Variants in SLCO1A2 observed in about 807,000 individuals in gnomAD.
The protein encoded by SLCO1A2 is OATP-1.
In SLCO1A2, 67 loss-of-function variants were observed where a neutral mutation model predicts 69.0. The observed-to-expected ratio is 0.97, with a 90% CI of 0.80 to 1.19. The LOEUF (loss-of-function observed/expected upper bound fraction) is 1.19. Among genes scored for constraint, SLCO1A2 ranks in the 50% most tolerant of loss-of-function variants. The pLI is 0.00. For missense variants in SLCO1A2, 787 were observed against 793.7 expected (o/e 0.99, Z 0.10); for synonymous variants, 260 against 265.9 (o/e 0.98, Z 0.22).
chr12:21,327,386 G>A (rs572271624), intron 2 of SLCO1A2, among the ~76,000 whole-genome samples: 1 of 152,288 alleles, frequency 6.6e-6, no homozygotes, highest in South Asian at 2.1e-4. Flanking sequence ...TGGTGGAGCT[G>A]TGAGAAGAGG....
chr12:21,317,261 C>T (rs752451219), intron 3 of SLCO1A2, among the ~76,000 whole-genome samples: 1 of 152,186 alleles, frequency 6.6e-6, no homozygotes, highest in Non-Finnish European at 1.5e-5. Flanking sequence ...CCATTTCTCA[C>T]CCCTGCCCAT....
At position 21,269,095 on chromosome 12, in the gene SLCO1A2, A is replaced by G. The variant is rs1208476166; in HGVS notation, c.*453T>C. On this transcript the variant is annotated 3_prime_UTR_variant, in exon 15 of 15. Coordinates refer to ENST00000683939, the MANE Select transcript of SLCO1A2 (RefSeq NM_001386879.1). Reference sequence around the variant, plus strand: ...GAATAAGAAGATGTAGGCTTCTCTCACATGGAAGCGATAAACTTGAATAAA... The same window carrying G: ...GAATAAGAAGATGTAGGCTTCTCTCGCATGGAAGCGATAAACTTGAATAAA... 6.5e-6 allele frequency: 1 copy of G among 153,336 alleles called. No homozygotes were observed. The highest frequency in any genetic ancestry group is 2.4e-5 in the African/African-American group (1 of 41,458). 9.5% of individuals were successfully genotyped at this position (153,336 alleles called of 1,614,324 possible). A position where few individuals can be genotyped will look rare whatever the true frequency, so the allele number is the denominator to read the frequency against.
intron 1 of SLCO1A2, among the ~76,000 whole-genome samples, chr12:21,387,018 G>C (rs889099427): frequency 1.3e-5 from 2 of 152,112 alleles, no homozygotes; most frequent in Non-Finnish European, 2.9e-5. Context: ...GAACTTCTTG[G>C]GAACTAGAGC....
At chr12:21,412,590 G>GA (rs1941924924) in intron 1 of SLCO1A2, among the ~76,000 whole-genome samples, 1 of 152,066 alleles carries the variant, frequency 6.6e-6, no homozygotes, top group Admixed American at 6.6e-5. Flanking sequence ...CCAAATATTT[G>GA]CCTTTCTTCA....
intron 1 of SLCO1A2, among the ~76,000 whole-genome samples, chr12:21,376,662 T>TAAA (rs141702135): frequency 6.7e-5 from 10 of 148,190 alleles, no homozygotes; most frequent in African/African-American, 2.5e-4. Flanking sequence ...GAGTAAAATT[T>TAAA]AAAAAAAAAA....
chr12:21,360,348 C>A (rs1224819695), intron 2 of SLCO1A2, among the ~76,000 whole-genome samples: 1 of 151,810 alleles, frequency 6.6e-6, no homozygotes, highest in African/African-American at 2.4e-5. Flanking sequence ...AAAACGACAC[C>A]AATATAAAAA....
intron 1 of SLCO1A2, among the ~76,000 whole-genome samples, chr12:21,413,206 T>C (rs1003332811): frequency 6.6e-5 from 10 of 151,364 alleles, no homozygotes; most frequent in African/African-American, 2.4e-4. Context: ...GTTAACTGAT[T>C]GTAATACTTT....
intron 2 of SLCO1A2, among the ~76,000 whole-genome samples, chr12:21,346,168 C>A (rs933912316): frequency 3.9e-5 from 6 of 152,050 alleles, no homozygotes; most frequent in Non-Finnish European, 8.8e-5. Context: ...AAACCATACT[C>A]ATTTAATATA....
intron 1 of SLCO1A2, among the ~76,000 whole-genome samples, chr12:21,414,231 G>A (rs1231682245): frequency 6.6e-6 from 1 of 151,254 alleles, no homozygotes; most frequent in Non-Finnish European, 1.5e-5. Context: ...GCTCTGTTCT[G>A]GGAACAAAAG....
upstream of SLCO1A2, among the ~76,000 whole-genome samples, chr12:21,398,666 G>C (rs368110015): frequency 2.5e-4 from 37 of 150,992 alleles, no homozygotes; most frequent in East Asian, 5.9e-4. Context: ...ACATCAAAAA[G>C]CTTATCCACC....
chr12:21,351,502 G>A (rs774312005), intron 2 of SLCO1A2, among the ~76,000 whole-genome samples: 10 of 152,066 alleles, frequency 6.6e-5, no homozygotes, highest in Non-Finnish European at 1.0e-4. Flanking sequence ...TAGGACAGGC[G>A]CAGTGGCTTG....
chr12:21,358,958 A>G (rs370021345), intron 2 of SLCO1A2, among the ~76,000 whole-genome samples: 6 of 152,214 alleles, frequency 3.9e-5, no homozygotes, highest in Admixed American at 2.0e-4. Flanking sequence ...ATATTCACAT[A>G]TATTTGGAAG....
intron 2 of SLCO1A2, among the ~76,000 whole-genome samples, chr12:21,364,988 T>C (rs1412423463): frequency 1.3e-5 from 2 of 152,162 alleles, no homozygotes; most frequent in African/African-American, 2.4e-5. Flanking sequence ...AATTTATAGA[T>C]TCAATGCCAT....
intron 1 of SLCO1A2, among the ~76,000 whole-genome samples, chr12:21,392,422 T>G (rs11046012): frequency 0.11 from 16,507 of 152,198 alleles, 1,132 homozygotes; most frequent in East Asian, 0.38. Flanking sequence ...TTAAATTTCC[T>G]AAGTATGAAT....
At chr12:21,389,518 A>T (rs571955971) in intron 1 of SLCO1A2, among the ~76,000 whole-genome samples, 1 of 152,244 alleles carries the variant, frequency 6.6e-6, no homozygotes, top group East Asian at 1.9e-4. Flanking sequence ...TCAATGTCCC[A>T]ACTGGAAACC....
chr12:21,285,301 A>G (rs1945545096), intron 12 of SLCO1A2, among the ~76,000 whole-genome samples: 1 of 152,220 alleles, frequency 6.6e-6, no homozygotes, highest in Admixed American at 6.5e-5. Flanking sequence ...TCCCAAGACT[A>G]AACAAGGAAG....
chr12:21,401,330 T>A (rs1245200868), intron 1 of SLCO1A2, among the ~76,000 whole-genome samples: 4 of 151,688 alleles, frequency 2.6e-5, no homozygotes, highest in South Asian at 2.1e-4. Flanking sequence ...ATACAAAAAT[T>A]AAAATAAAAA....
At chr12:21,292,884 C>T (rs567491472) in intron 11 of SLCO1A2, among the ~76,000 whole-genome samples, 2 of 152,106 alleles carry the variant, frequency 1.3e-5, no homozygotes, top group Non-Finnish European at 2.9e-5. Context: ...TGTGAGACAC[C>T]GCGCCCAGCT....
intron 2 of SLCO1A2, among the ~76,000 whole-genome samples, chr12:21,331,093 TTAAA>T (rs1442060114): frequency 6.6e-6 from 1 of 152,170 alleles, no homozygotes; most frequent in East Asian, 1.9e-4. Flanking sequence ...TATATAATCC[TTAAA>T]TAACCTCTGA....
Sources: gnomAD v4.1 joint callset for allele counts (sites outside exome capture counted in the v4.1 genomes callset) on GRCh38, gnomAD v4.1.1 for gene constraint, MANE v1.5 for transcripts, NCBI Gene and HGNC (gene_info 2026-07-23, HGNC 2026-07-21) for gene names.